AAMDC: variants seen among roughly 807,000 people sequenced by gnomAD.
The protein encoded by AAMDC is mth938 domain-containing protein.
Under a neutral mutation model 15.5 loss-of-function variants are expected in AAMDC, and 16 were observed. The ratio of observed to expected loss-of-function variants is 1.03; its 90% CI spans 0.70 to 1.57. The LOEUF (loss-of-function observed/expected upper bound fraction) is 1.57. Among genes scored for constraint, AAMDC ranks in the 40% most tolerant of loss-of-function variants. The pLI is 0.00. For synonymous variants in AAMDC, 51 were observed against 51.6 expected (o/e 0.99, Z 0.05); for missense variants, 141 against 144.9 (o/e 0.97, Z 0.14).
At chr11:77,835,819 G>T (rs1384017192) in intron 1 of AAMDC, among the ~76,000 whole-genome samples, 1 of 152,098 alleles carries the variant, frequency 6.6e-6, no homozygotes, top group Non-Finnish European at 1.5e-5. Context: ...TACAAGGGTG[G>T]CTGAGGCACA....
chr11:77,863,411 G>A (rs1264970552), intron 2 of AAMDC, among the ~76,000 whole-genome samples: 2 of 152,194 alleles, frequency 1.3e-5, no homozygotes, highest in African/African-American at 4.8e-5. Flanking sequence ...GACCAGAAGA[G>A]TGCAGTTGCA....
At chr11:77,888,282 C>G (rs1952106531) in intron 5 of AAMDC, among the ~76,000 whole-genome samples, 2 of 152,032 alleles carry the variant, frequency 1.3e-5, no homozygotes, top group South Asian at 4.2e-4. Flanking sequence ...TATCTACAAC[C>G]ATCTGATCTT....
At chr11:77,904,580 GT>G (rs1952883736), downstream of AAMDC, among the ~76,000 whole-genome samples, 1 of 152,156 alleles carries the variant, frequency 6.6e-6, no homozygotes, top group Non-Finnish European at 1.5e-5. Context: ...GTGCTCAAGA[GT>G]CCCATGTATC....
chr11:77,893,425 G>A (rs1952362871), intron 5 of AAMDC, among the ~76,000 whole-genome samples: 1 of 151,930 alleles, frequency 6.6e-6, no homozygotes, highest in Admixed American at 6.6e-5. Flanking sequence ...GAGCAACACA[G>A]CAAGACCCCA....
chr11:77,846,309 A>G (rs577169574), intron 2 of AAMDC, among the ~76,000 whole-genome samples: 18 of 152,256 alleles, frequency 1.2e-4, no homozygotes, highest in African/African-American at 4.3e-4. Flanking sequence ...TTTGAGGTCA[A>G]TTTCTTCTTT....
chr11:77,840,018 G>C (rs1464343153), intron 1 of AAMDC, among the ~76,000 whole-genome samples: 1 of 151,946 alleles, frequency 6.6e-6, no homozygotes, highest in African/African-American at 2.4e-5. Flanking sequence ...ATATTGGAAA[G>C]CAAAAAAGCA....
chr11:77,888,333 C>A (rs1468817328), intron 5 of AAMDC, among the ~76,000 whole-genome samples: 1 of 152,178 alleles, frequency 6.6e-6, no homozygotes, highest in Non-Finnish European at 1.5e-5. Context: ...AAAGGATTCC[C>A]TATTTAATAA....
intron 5 of AAMDC, among the ~76,000 whole-genome samples, chr11:77,900,347 C>CCTGT (rs1190157214): frequency 1.3e-5 from 2 of 152,166 alleles, no homozygotes; most frequent in African/African-American, 4.8e-5. Context: ...GATCTGCCCA[C>CCTGT]CTTGGCCTCC....
intron 1 of AAMDC, among the ~76,000 whole-genome samples, chr11:77,826,379 G>A (rs1052030770): frequency 2.6e-5 from 4 of 151,764 alleles, no homozygotes; most frequent in African/African-American, 9.7e-5. Flanking sequence ...AAAAGATGGG[G>A]GACAGCCTGT....
rs570895975 is a variant in AAMDC, at chr11:77,846,058, G to A, written c.132+3430G>A. ...TTACATAATATAATGTGGCAACACC[G>A]GAAATCAACTCCCCCTCCCATTCTG... On this transcript the variant is annotated intron_variant, in intron 2 of 3. Transcript: ENST00000393427. 7.9e-4 allele frequency among the ~76,000 whole-genome samples: 120 copies of A among 151,436 alleles called. 1 individual carries two copies. The highest frequency in any genetic ancestry group is 2.8e-3 in the African/African-American group (115 of 41,232).
intron 2 of AAMDC, among the ~76,000 whole-genome samples, chr11:77,854,165 T>C (rs1652940593): frequency 6.6e-6 from 1 of 151,854 alleles, no homozygotes; most frequent in African/African-American, 2.4e-5. Flanking sequence ...TAATTTTTTT[T>C]GTATTTGTAG....
At chr11:77,844,354 T>A (rs1950054245) in intron 2 of AAMDC, among the ~76,000 whole-genome samples, 1 of 151,974 alleles carries the variant, frequency 6.6e-6, no homozygotes, top group Non-Finnish European at 1.5e-5. Flanking sequence ...TTTTTTACAG[T>A]TTTTTCTTTC....
chr11:77,862,302 G>C lies in AAMDC; in HGVS notation c.133-7420G>C, dbSNP rs190842898. On this transcript the variant is annotated intron_variant, in intron 2 of 3. Transcript: ENST00000393427. The stretch of plus-strand genomic sequence containing the variant: ...TATGATGGCACTTCTCTCATTTGGC[G>C]TTAGTGTCTGATTTAGCAGTAACAT... Among the ~76,000 whole-genome samples, 37 of 152,298 alleles carry C rather than the reference G, an allele frequency of 2.4e-4. No homozygotes were observed. In the South Asian group the frequency reaches 6.2e-3, roughly 26 times the overall value.
intron 2 of AAMDC, among the ~76,000 whole-genome samples, chr11:77,868,357 CT>C (rs575872676): frequency 1.4e-3 from 158 of 116,778 alleles, no homozygotes; most frequent in East Asian, 9.8e-3. Flanking sequence ...GCCCAGCCGC[CT>C]TTTTTTTTTT....
chr11:77,869,806 G>A lies in AAMDC; in HGVS notation c.217G>A (p.Glu73Lys). 1.2e-6 allele frequency: 2 copies of A among 1,613,764 alleles called. No homozygotes were observed. Residue 73 changes from glutamate to lysine, a missense_variant, in exon 3 of 4, where the codon GAG (glutamate) becomes AAG (lysine). By Grantham distance (56) the Glu-to-Lys change is moderately conservative. Transcript: ENST00000393427. ...QTLVIGRGMS[E>K]ALKVPSSTVE... is the part of the protein sequence containing the mutation. ...TCTTGTGATTGGCCGAGGGATGAGT[G>A]AGGCCTTGAAGGTAGGTGTTGGTAT...
At chr11:77,840,645 G>A (rs2136127589) in intron 1 of AAMDC, among the ~76,000 whole-genome samples, 1 of 152,322 alleles carries the variant, frequency 6.6e-6, no homozygotes, top group East Asian at 1.9e-4. Flanking sequence ...CTGGCCTCAA[G>A]TGAAATTCCC....
downstream of AAMDC, among the ~76,000 whole-genome samples, chr11:77,901,065 T>C (rs576545811): frequency 6.6e-5 from 10 of 152,202 alleles, no homozygotes; most frequent in Non-Finnish European, 1.0e-4. Flanking sequence ...AAAAGCTTAT[T>C]AGTCCCTTCA....
intron 2 of AAMDC, among the ~76,000 whole-genome samples, chr11:77,858,680 C>G (rs1258501781): frequency 2.0e-5 from 3 of 152,128 alleles, no homozygotes; most frequent in Non-Finnish European, 4.4e-5. Flanking sequence ...CCGATGACCG[C>G]TCTAACTGCT....
At chr11:77,856,888 T>C (rs542625195) in intron 2 of AAMDC, among the ~76,000 whole-genome samples, 21 of 152,336 alleles carry the variant, frequency 1.4e-4, no homozygotes, top group Middle Eastern at 3.4e-3. Context: ...TTTCATTCTT[T>C]ACTGAAGTCA....
Sources: allele counts gnomAD v4.1 joint callset (sites outside exome capture counted in the v4.1 genomes callset), GRCh38; gene constraint gnomAD v4.1.1; transcripts MANE v1.5; gene names NCBI Gene and HGNC (gene_info 2026-07-23, HGNC 2026-07-21).